PFKP: variants seen among roughly 807,000 people sequenced by gnomAD.
The protein encoded by PFKP is ATP-dependent 6-phosphofructokinase, platelet type.
A neutral mutation model predicts 94.3 loss-of-function variants in PFKP; 101 were observed. The ratio of observed to expected loss-of-function variants is 1.07; its 90% CI spans 0.91 to 1.26. PFKP has a LOEUF of 1.26. Among genes scored for constraint, PFKP ranks in the 50% most tolerant of loss-of-function variants. PFKP has a pLI of 0.00. For synonymous variants in PFKP, 573 were observed against 432.6 expected (o/e 1.32, Z -4.03); for missense variants, 1,145 against 1,103.3 (o/e 1.04, Z -0.53).
rs761322090 is a variant in PFKP, at chr10:3,105,165, T to C, written c.665+6T>C. 9 of 1,613,330 alleles carry C rather than the reference T, an allele frequency of 5.6e-6. No homozygotes were observed. In the South Asian group the frequency reaches 8.8e-5, roughly 16 times the overall value. ...GTGATGGGACGACACTGTGGGTACG[T>C]ACCTGCGGTGGGTCCGGTGGACGCG... On this transcript the variant is annotated splice_donor_region_variant and intron_variant, in intron 6 of 21. Transcript: ENST00000381125.
intron 3 of PFKP, 35 bp from the exon 4 acceptor site, chr10:3,101,330 C>G (rs538001459): frequency 7.1e-6 from 11 of 1,540,060 alleles, no homozygotes; most frequent in Non-Finnish European, 9.7e-6. Context: ...CTCTCTCAGA[C>G]TGAGAGGAGA....
At position 3,123,711 on chromosome 10, in the gene PFKP, C is replaced by T. The variant is rs189706696; in HGVS notation, c.1683+3667C>T. On this transcript the variant is annotated intron_variant, in intron 16 of 21. Coordinates refer to ENST00000381125, the MANE Select transcript of PFKP (RefSeq NM_002627.5). ...TCTGAAAAGCATAAGGAGACTCCCA[C>T]GTGGCGGTGCTGAGGGGCCACATCC... Among the ~76,000 whole-genome samples, 418 of 152,384 alleles carry T rather than the reference C, an allele frequency of 2.7e-3. 2 individuals are homozygous for T. Among genetic ancestry groups the T allele is most frequent in the African/African-American group, 9.4e-3 (393 of 41,592 alleles).
chr10:3,075,262 G>A (rs1434856924), intron 1 of PFKP, among the ~76,000 whole-genome samples: 1 of 151,944 alleles, frequency 6.6e-6, no homozygotes, highest in African/African-American at 2.4e-5. Flanking sequence ...GTGCTGCAGA[G>A]ATTTTGTTTA....
intron 14 of PFKP, among the ~76,000 whole-genome samples, chr10:3,117,052 A>T (rs2306306): frequency 0.77 from 117,527 of 151,768 alleles, 45,713 homozygotes; most frequent in East Asian, 0.91. Context: ...GTAAGAGAGA[A>T]GAGGAGGTAA....
At chr10:3,129,749 G>A (rs1455463708) in intron 16 of PFKP, 70 bp from the exon 17 acceptor site, 1 of 1,545,124 alleles carries the variant, frequency 6.5e-7, no homozygotes, top group South Asian at 1.1e-5. Flanking sequence ...ACTCACTCTT[G>A]GGGGAGCTCT....
chr10:3,090,165 G>A (rs1250865098), intron 2 of PFKP, among the ~76,000 whole-genome samples: 2 of 152,152 alleles, frequency 1.3e-5, no homozygotes, highest in Non-Finnish European at 2.9e-5. Context: ...ATAAAATGTG[G>A]CGTATATACG....
At chr10:3,110,792 G>A (rs1836129437) in intron 10 of PFKP, among the ~76,000 whole-genome samples, 2 of 152,164 alleles carry the variant, frequency 1.3e-5, no homozygotes, top group Admixed American at 6.5e-5. Context: ...ATTTATGCAT[G>A]TGTGTGCATG....
chr10:3,089,564 C>G (rs530711714), intron 2 of PFKP, among the ~76,000 whole-genome samples: 2 of 152,098 alleles, frequency 1.3e-5, no homozygotes, highest in African/African-American at 4.8e-5. Flanking sequence ...GCATATCCAT[C>G]ACCTCAAGAA....
At chr10:3,091,742 C>T (rs1034469298) in intron 2 of PFKP, among the ~76,000 whole-genome samples, 10 of 151,944 alleles carry the variant, frequency 6.6e-5, no homozygotes, top group African/African-American at 2.2e-4. Context: ...ACCTAGATTG[C>T]GCCACTGCAT....
At chr10:3,110,256 TG>T (rs1461341425) in intron 10 of PFKP, among the ~76,000 whole-genome samples, 1 of 151,964 alleles carries the variant, frequency 6.6e-6, no homozygotes, top group African/African-American at 2.4e-5. Flanking sequence ...TAGAGTGCAG[TG>T]GCGTGATCTT....
intron 10 of PFKP, among the ~76,000 whole-genome samples, chr10:3,110,193 AT>A (rs1836036020): frequency 6.6e-6 from 1 of 151,648 alleles, no homozygotes; most frequent in African/African-American, 2.4e-5. Context: ...ATTTGAAGTT[AT>A]TTAATTAATT....
intron 2 of PFKP, 32 bp from the exon 3 acceptor site, chr10:3,099,243 C>T: frequency 6.5e-7 from 1 of 1,547,760 alleles, no homozygotes; most frequent in Non-Finnish European, 8.9e-7. Flanking sequence ...AAGTTTATCT[C>T]ATTTTTAAAA....
At chr10:3,109,519 G>A (rs754215035) in intron 10 of PFKP, 39 bp downstream of exon 10, 12 of 1,590,982 alleles carry the variant, frequency 7.5e-6, no homozygotes, top group South Asian at 2.2e-5. Context: ...GGGCGGAGAC[G>A]GCTGGGACAG....
chr10:3,124,956 C>A, intron 16 of PFKP: 1 of 577,292 alleles, frequency 1.7e-6, no homozygotes, highest in Non-Finnish European at 2.3e-6. Flanking sequence ...CCAGAGCCTC[C>A]CTCGGCCCCT....
intron 8 of PFKP, chr10:3,108,148 C>T (rs1835821145): frequency 4.5e-6 from 3 of 665,844 alleles, no homozygotes; most frequent in Non-Finnish European, 4.4e-6. Context: ...AATTATAGGA[C>T]AATGGACCGA....
chr10:3,136,566 C>G lies in PFKP; in HGVS notation c.2342C>G (p.Pro781Arg). The G allele has an allele frequency of 2.5e-6, 4 of 1,613,426 alleles. No individual in the cohort carries two copies. Among genetic ancestry groups the G allele is most frequent in the South Asian group, 1.1e-5 (1 of 90,996 alleles). The change falls in exon 22 of 22, where the codon CCC (proline) becomes CGC (arginine). Residue 781 changes from proline (P) to arginine (R), a missense_variant. Coordinates refer to ENST00000381125, the MANE Select transcript of PFKP (RefSeq NM_002627.5). The part of the protein sequence containing the change: ...SDSGQLEHVQ[P>R]WSV ...TCAGGCCAGCTGGAACATGTGCAGCCCTGGAGTGTCTGACCCAGTCCCGCC... is the reference window on the plus strand; with the variant it reads ...TCAGGCCAGCTGGAACATGTGCAGCGCTGGAGTGTCTGACCCAGTCCCGCC...
intron 16 of PFKP, among the ~76,000 whole-genome samples, chr10:3,123,741 C>A (rs917624121): frequency 6.6e-6 from 1 of 152,258 alleles, no homozygotes; most frequent in African/African-American, 2.4e-5. Context: ...ACATCCTGGG[C>A]ACCAGGCCAG....
intron 11 of PFKP, among the ~76,000 whole-genome samples, chr10:3,112,799 C>T (rs1014328462): frequency 6.6e-6 from 1 of 152,202 alleles, no homozygotes; most frequent in African/African-American, 2.4e-5. Context: ...AATTCCTGAC[C>T]TCAAATGATT....
At chr10:3,108,090 A>G (rs1835812965) in intron 8 of PFKP, 3 of 1,080,462 alleles carry the variant, frequency 2.8e-6, no homozygotes, top group Non-Finnish European at 3.7e-6. Context: ...ATAAGTGGTC[A>G]TCCATAAAGT....
Sources: gnomAD v4.1 joint callset for allele counts (sites outside exome capture counted in the v4.1 genomes callset) on GRCh38, gnomAD v4.1.1 for gene constraint, MANE v1.5 for transcripts, NCBI Gene and HGNC (gene_info 2026-07-23, HGNC 2026-07-21) for gene names.